SORCS1: variants seen among roughly 807,000 people sequenced by gnomAD.
SORCS1 encodes VPS10 domain-containing receptor SorCS1.
SORCS1 carries 60 observed loss-of-function variants against 146.1 expected under a neutral mutation model. That is an observed-to-expected ratio of 0.41 (90% CI 0.33 to 0.51). The LOEUF is 0.51. Among genes scored for constraint, SORCS1 ranks in the 20% least tolerant of loss-of-function variants. The probability of loss-of-function intolerance (pLI) is 0.21; values close to 1 mark genes in which losing one functional copy is unlikely to be tolerated. For synonymous variants in SORCS1, 637 were observed against 584.0 expected, an observed-to-expected ratio of 1.09 and a Z score of -1.31; for missense variants, 1,352 against 1,487.6, an observed-to-expected ratio of 0.91 and a Z score of 1.50.
At chr10:106,661,443 T>C (rs1175271025) in intron 17 of SORCS1, among the ~76,000 whole-genome samples, 1 of 152,230 alleles carries the variant, frequency 6.6e-6, no homozygotes, top group Non-Finnish European at 1.5e-5. Context: ...TTACATTAAA[T>C]ATGTCTCAGA....
chr10:107,080,694 TATG>T (rs541104665), intron 1 of SORCS1, among the ~76,000 whole-genome samples: 231 of 152,366 alleles, frequency 1.5e-3, no homozygotes, highest in African/African-American at 5.3e-3. Flanking sequence ...GTTCCACTGC[TATG>T]ATATTTCAAA....
chr10:106,613,923 A>G (rs1030035168), intron 21 of SORCS1, among the ~76,000 whole-genome samples: 4 of 151,962 alleles, frequency 2.6e-5, no homozygotes, highest in Non-Finnish European at 5.9e-5. Context: ...CTCCCCTCTC[A>G]TCATTCAGTC....
At chr10:106,704,605 G>A (rs548786571) in intron 8 of SORCS1, among the ~76,000 whole-genome samples, 31 of 152,272 alleles carry the variant, frequency 2.0e-4, no homozygotes, top group African/African-American at 7.2e-4. Context: ...CAGGAGAATC[G>A]CTTGAACCCG....
chr10:106,837,838 A>C (rs1228197406), intron 2 of SORCS1, among the ~76,000 whole-genome samples: 1 of 152,018 alleles, frequency 6.6e-6, no homozygotes, highest in Non-Finnish European at 1.5e-5. Context: ...TGCTTTCTGA[A>C]CAATGCTCAT....
chr10:106,944,898 T>C (rs1399481251), intron 2 of SORCS1, among the ~76,000 whole-genome samples: 2 of 132,528 alleles, frequency 1.5e-5, no homozygotes, highest in Non-Finnish European at 3.2e-5. Flanking sequence ...TTTTTTTTTT[T>C]TTTTGGAGAT....
intron 2 of SORCS1, among the ~76,000 whole-genome samples, chr10:106,907,757 T>A (rs978155298): frequency 6.6e-6 from 1 of 151,900 alleles, no homozygotes; most frequent in African/African-American, 2.4e-5. Context: ...AGAAAATCTG[T>A]CTCTACCAAA....
chr10:107,106,326 G>T (rs923958123), intron 1 of SORCS1, among the ~76,000 whole-genome samples: 1 of 152,098 alleles, frequency 6.6e-6, no homozygotes, highest in African/African-American at 2.4e-5. Flanking sequence ...ATCTCATTCT[G>T]GTATTTCCCA....
intron 3 of SORCS1, among the ~76,000 whole-genome samples, chr10:106,804,457 G>A (rs558649985): frequency 6.6e-6 from 1 of 151,624 alleles, no homozygotes; most frequent in Non-Finnish European, 1.5e-5. Flanking sequence ...TAAACAGAAG[G>A]AAGAAACATC....
chr10:106,774,515 T>G (rs2136354377), intron 4 of SORCS1, among the ~76,000 whole-genome samples: 1 of 151,924 alleles, frequency 6.6e-6, no homozygotes, highest in South Asian at 2.1e-4. Context: ...AATTTGCAAT[T>G]TTGTAAATGT....
Position 106,573,878 on chromosome 10 carries a change from A to T in SORCS1, c.*3542T>A, listed in dbSNP as rs1298673740. ...GAATGAACACCAAGGGTTTAGGATT[A>T]AAAAAAAAAATACCTGAGGCAAAGA... is the stretch of plus-strand genomic sequence containing the variant. On this transcript the variant is annotated 3_prime_UTR_variant, in exon 26 of 26. Transcript: ENST00000263054. 6.9e-6 allele frequency: 1 copy of T among 145,218 alleles called. No homozygotes were observed. The highest frequency in any genetic ancestry group is 1.5e-5 in the Non-Finnish European group (1 of 65,056). The allele number at this position is 145,218 out of a possible 1,614,324, so 9.0% of individuals were successfully genotyped here.
intron 3 of SORCS1, among the ~76,000 whole-genome samples, chr10:106,808,412 A>C (rs1947293523): frequency 6.6e-6 from 1 of 152,252 alleles, no homozygotes; most frequent in Non-Finnish European, 1.5e-5. Flanking sequence ...ATGAGCTAAC[A>C]GAATATGTGT....
At chr10:106,771,404 C>A (rs1174980193) in intron 4 of SORCS1, among the ~76,000 whole-genome samples, 1 of 152,172 alleles carries the variant, frequency 6.6e-6, no homozygotes, top group East Asian at 1.9e-4. Context: ...TGTAATCTGG[C>A]AGGCTCAGCC....
intron 3 of SORCS1, among the ~76,000 whole-genome samples, chr10:106,805,832 G>A (rs899366195): frequency 1.3e-5 from 2 of 152,026 alleles, no homozygotes; most frequent in Non-Finnish European, 2.9e-5. Flanking sequence ...GCCGAGACAG[G>A]TGGATCACGA....
chr10:106,894,267 G>A (rs1228764154), intron 2 of SORCS1, among the ~76,000 whole-genome samples: 9 of 115,028 alleles, frequency 7.8e-5, no homozygotes, highest in Non-Finnish European at 1.8e-5. Context: ...GCGCGCACGT[G>A]TGCGTGTGTG....
chr10:106,649,879 A>G (rs879709797), intron 18 of SORCS1, among the ~76,000 whole-genome samples: 8 of 151,920 alleles, frequency 5.3e-5, no homozygotes, highest in Non-Finnish European at 1.2e-4. Flanking sequence ...TATGGGTTCA[A>G]TTTCCTGTAA....
At chr10:106,944,874 CTTTTTTTTTTTTTTTTT>C (rs765355110) in intron 2 of SORCS1, among the ~76,000 whole-genome samples, 5 of 36,614 alleles carry the variant, frequency 1.4e-4, no homozygotes, top group African/African-American at 5.0e-4. Context: ...AAAGAGCCTT[CTTTTTTTTTTTTTTTTT>C]TTTTTTTTTT....
intron 1 of SORCS1, among the ~76,000 whole-genome samples, chr10:107,037,911 C>T (rs919769878): frequency 1.3e-5 from 2 of 152,230 alleles, no homozygotes; most frequent in Non-Finnish European, 1.5e-5. Flanking sequence ...ATTGCAGCCT[C>T]CGCCTCCCAG....
rs112851238 is a variant in SORCS1, at chr10:107,034,873, G to A, written c.559-78293C>T. On this transcript the variant is annotated intron_variant, in intron 1 of 25. Transcript: ENST00000263054. The stretch of plus-strand genomic sequence containing the variant: ...CCCATAAACGGTATGTTTTATTTTC[G>A]TAATCAAATATAAAATAATTTAATC... 1.8e-3 allele frequency among the ~76,000 whole-genome samples: 275 copies of A among 151,410 alleles called. 1 individual carries two copies. The highest frequency in any genetic ancestry group is 6.4e-3 in the African/African-American group (266 of 41,356).
At chr10:107,011,867 A>T (rs1957709249) in intron 1 of SORCS1, among the ~76,000 whole-genome samples, 1 of 152,220 alleles carries the variant, frequency 6.6e-6, no homozygotes. Flanking sequence ...CTGGGTTATA[A>T]AACACTAGAT....
Sources: allele counts gnomAD v4.1 joint callset (sites outside exome capture counted in the v4.1 genomes callset), GRCh38; gene constraint gnomAD v4.1.1; transcripts MANE v1.5; gene names NCBI Gene and HGNC (gene_info 2026-07-23, HGNC 2026-07-21).